Variants in CCDC141 observed in about 807,000 individuals in gnomAD.
CCDC141 encodes the protein coiled-coil domain-containing protein 141.
CCDC141 carries 168 observed loss-of-function variants against 181.0 expected under a neutral mutation model. That is an observed-to-expected ratio of 0.93 (90% CI 0.82 to 1.05). CCDC141 has a LOEUF of 1.05. Among genes scored for constraint, CCDC141 ranks in the 50% least tolerant of loss-of-function variants. The pLI, the probability that CCDC141 is intolerant of heterozygous loss-of-function variation, is 0.00. For synonymous variants in CCDC141, 666 were observed against 642.3 expected, an observed-to-expected ratio of 1.04 and a Z score of -0.56; for missense variants, 1,902 against 1,788.5, an observed-to-expected ratio of 1.06 and a Z score of -1.14.
intron 5 of CCDC141, among the ~76,000 whole-genome samples, chr2:178,948,207 A>T (rs1341399802): frequency 6.6e-6 from 1 of 151,982 alleles, no homozygotes; most frequent in Non-Finnish European, 1.5e-5. Context: ...ATCTCAATAA[A>T]AAAAAAAAAG....
chr2:178,873,349 A>C (rs1686204530), intron 12 of CCDC141: 1 of 152,110 alleles, frequency 6.6e-6, no homozygotes, highest in Admixed American at 6.5e-5. Context: ...TGAACTTAAG[A>C]ATCTAGTAAT....
At chr2:178,852,375 C>T (rs573956491) in intron 20 of CCDC141, among the ~76,000 whole-genome samples, 18 of 152,006 alleles carry the variant, frequency 1.2e-4, no homozygotes, top group Non-Finnish European at 2.1e-4. Flanking sequence ...TATACTACAA[C>T]GTAAAAAGTT....
chr2:178,968,896 G>A (rs147325163), intron 4 of CCDC141, among the ~76,000 whole-genome samples: 1,853 of 151,946 alleles, frequency 0.012, 22 homozygotes, highest in African/African-American at 0.035. Context: ...AAATGATATA[G>A]GGCATATCAC....
intron 4 of CCDC141, among the ~76,000 whole-genome samples, chr2:178,969,788 G>A (rs1280345807): frequency 6.6e-6 from 1 of 152,198 alleles, no homozygotes; most frequent in Non-Finnish European, 1.5e-5. Context: ...AGTCAGGCAA[G>A]AGAAAGAAAT....
At chr2:178,914,669 A>G (rs1187232513) in intron 7 of CCDC141, among the ~76,000 whole-genome samples, 1 of 152,224 alleles carries the variant, frequency 6.6e-6, no homozygotes, top group Non-Finnish European at 1.5e-5. Flanking sequence ...AATTTCACAA[A>G]TTTTGTAAGT....
chr2:179,048,767 C>T (rs1375627907), intron 1 of CCDC141, among the ~76,000 whole-genome samples: 1 of 152,214 alleles, frequency 6.6e-6, no homozygotes, highest in Non-Finnish European at 1.5e-5. Flanking sequence ...AGTCTCACAA[C>T]ACCAGAAAAT....
chr2:178,832,465 C>CAAAAAAAAAAAAAAAA lies in CCDC141; in HGVS notation c.*1692_*1707dup, dbSNP rs59389117. 1.4e-5 allele frequency: 1 copy of CAAAAAAAAAAAAAAAA among 68,982 alleles called. No individual in the cohort carries two copies. Among genetic ancestry groups the CAAAAAAAAAAAAAAAA allele is most frequent in the Non-Finnish European group, 2.9e-5 (1 of 33,962 alleles). The allele number at this position is 68,982 out of a possible 1,614,324, so 4.3% of individuals were successfully genotyped here. ...TGGGCAAGAGAGCAAGACTCTTTCT[C>CAAAAAAAAAAAAAAAA]AAAAAAAAAAAAAAAAAACAAAAAA... is the stretch of plus-strand genomic sequence containing the variant. On this transcript the variant is annotated 3_prime_UTR_variant, in exon 24 of 24. Coordinates refer to ENST00000443758, the MANE Select transcript of CCDC141 (RefSeq NM_173648.4).
intron 2 of CCDC141, among the ~76,000 whole-genome samples, chr2:179,030,156 C>A (rs2154386755): frequency 6.6e-6 from 1 of 152,118 alleles, no homozygotes. Flanking sequence ...CTGTCATCTA[C>A]AACCACAAAT....
At chr2:178,957,386 A>G (rs1226427683) in intron 5 of CCDC141, among the ~76,000 whole-genome samples, 1 of 152,256 alleles carries the variant, frequency 6.6e-6, no homozygotes, top group Admixed American at 6.5e-5. Flanking sequence ...CACACCTATT[A>G]AAGTGGCCAA....
chr2:178,884,731 A>G (rs369841093), intron 11 of CCDC141, among the ~76,000 whole-genome samples, 170 bp downstream of exon 11: 2 of 152,242 alleles, frequency 1.3e-5, no homozygotes, highest in South Asian at 4.1e-4. Flanking sequence ...TAGATTGAGA[A>G]CTGCTGCAAT....
At chr2:178,962,638 C>CCTTTCTTT (rs1690458439) in intron 4 of CCDC141, among the ~76,000 whole-genome samples, 1 of 147,862 alleles carries the variant, frequency 6.8e-6, no homozygotes, top group Non-Finnish European at 1.5e-5. Flanking sequence ...TTCTTTCTTT[C>CCTTTCTTT]CTTTCCTTCT....
chr2:178,918,920 ATTC>A lies in CCDC141; in HGVS notation c.898-16_898-14del. The A allele has an allele frequency of 6.5e-7, 1 of 1,546,826 alleles. No individual in the cohort carries two copies. The highest frequency in any genetic ancestry group is 1.7e-4 in the Middle Eastern group (1 of 5,966). On this transcript the variant is annotated splice_polypyrimidine_tract_variant and intron_variant, in intron 6 of 23. Coordinates refer to ENST00000443758, the MANE Select transcript of CCDC141 (RefSeq NM_173648.4). ...CAGAATTCCATTCCTGCAAGAGATTATTCTTATTATTTTATACATCTCCTCTGT... is the reference window on the plus strand; with the variant it reads ...CAGAATTCCATTCCTGCAAGAGATTATTATTATTTTATACATCTCCTCTGT...
At position 178,978,639 on chromosome 2, in the gene CCDC141, C is replaced by T. The variant is rs1034323549; in HGVS notation, c.262G>A (p.Ala88Thr). 24 of 1,546,526 alleles carry T rather than the reference C, an allele frequency of 1.6e-5. No individual in the cohort carries two copies. Among genetic ancestry groups the T allele is most frequent in the Non-Finnish European group, 2.0e-5 (23 of 1,145,344 alleles). ...EDRVWELLQE[A>T]DKTAEENKDQ... ...TTGTTCTCTTCAGCTGTCTTGTCTG[C>T]TTCCTGCAAGAGTTCCCATACCCGA... The change falls in exon 3 of 24, where the codon GCA becomes ACA. Residue 88 changes from alanine (A) to threonine (T), a missense_variant. Transcript: ENST00000443758.
At chr2:178,962,852 A>C (rs1379007347) in intron 4 of CCDC141, among the ~76,000 whole-genome samples, 1 of 151,960 alleles carries the variant, frequency 6.6e-6, no homozygotes, top group Non-Finnish European at 1.5e-5. Context: ...TTCCTCACAC[A>C]TGCTATACTC....
chr2:179,028,364 A>G (rs994447527), intron 2 of CCDC141, among the ~76,000 whole-genome samples: 11 of 152,326 alleles, frequency 7.2e-5, no homozygotes, highest in Non-Finnish European at 1.3e-4. Context: ...CTCCCATACT[A>G]ACAAAAGCTT....
intron 11 of CCDC141, among the ~76,000 whole-genome samples, chr2:178,879,090 A>G (rs1258236648): frequency 6.6e-6 from 1 of 152,244 alleles, no homozygotes; most frequent in Non-Finnish European, 1.5e-5. Context: ...CTCATTTGCT[A>G]ACCAATGTAA....
chr2:178,990,005 A>G (rs1312672840), intron 2 of CCDC141, among the ~76,000 whole-genome samples: 2 of 151,498 alleles, frequency 1.3e-5, no homozygotes, highest in South Asian at 4.2e-4. Context: ...TGGGCATGGT[A>G]GCACATGCCT....
chr2:179,034,337 G>A (rs1275521221), intron 2 of CCDC141, among the ~76,000 whole-genome samples: 1 of 152,124 alleles, frequency 6.6e-6, no homozygotes, highest in East Asian at 1.9e-4. Flanking sequence ...CAGACATTGG[G>A]TCCTAATGGA....
chr2:178,886,409 C>CA (rs1686887583), intron 10 of CCDC141, among the ~76,000 whole-genome samples: 2 of 151,742 alleles, frequency 1.3e-5, no homozygotes, highest in African/African-American at 2.4e-5. Flanking sequence ...CTTGCTCTTG[C>CA]AAAAAAAATT....
Sources: gnomAD v4.1 joint callset for allele counts (sites outside exome capture counted in the v4.1 genomes callset) on GRCh38, gnomAD v4.1.1 for gene constraint, MANE v1.5 for transcripts, NCBI Gene and HGNC (gene_info 2026-07-23, HGNC 2026-07-21) for gene names.